The following SEC22A variants were observed in gnomAD, a reference collection of about 807,000 sequenced individuals.
The protein encoded by SEC22A is SEC22 homolog A, vesicle trafficking protein, also known as vesicle-trafficking protein SEC22a.
Under a neutral mutation model 35.3 loss-of-function variants are expected in SEC22A, and 22 were observed. The ratio of observed to expected loss-of-function variants is 0.62; its 90% CI spans 0.45 to 0.89. SEC22A has a LOEUF of 0.89. Among genes scored for constraint, SEC22A ranks in the 40% least tolerant of loss-of-function variants. SEC22A has a pLI of 0.00. For missense variants in SEC22A, 354 were observed against 362.5 expected (o/e 0.98, Z 0.19); for synonymous variants, 119 against 129.5 (o/e 0.92, Z 0.55).
chr3:123,249,473 C>T (rs918693612), intron 5 of SEC22A, among the ~76,000 whole-genome samples: 1 of 151,858 alleles, frequency 6.6e-6, no homozygotes, highest in Admixed American at 6.6e-5. Flanking sequence ...CTGGGAAATT[C>T]CAAGTGATTT....
chr3:123,228,248 G>A (rs192937742), intron 4 of SEC22A, among the ~76,000 whole-genome samples: 23 of 151,860 alleles, frequency 1.5e-4, no homozygotes, highest in Non-Finnish European at 2.6e-4. Flanking sequence ...CCAATTTCCA[G>A]TAAATTATAA....
intron 2 of SEC22A, among the ~76,000 whole-genome samples, chr3:123,215,695 A>G (rs565746339): frequency 9.1e-4 from 139 of 152,198 alleles, no homozygotes; most frequent in African/African-American, 3.3e-3. Context: ...ATGAACCACA[A>G]TCTTTTGGAT....
chr3:123,228,435 C>T (rs1937252911), intron 4 of SEC22A, among the ~76,000 whole-genome samples: 1 of 147,532 alleles, frequency 6.8e-6, no homozygotes, highest in Non-Finnish European at 1.5e-5. Flanking sequence ...ATTAGTTGGG[C>T]AGGGTGGCAC....
intron 2 of SEC22A, among the ~76,000 whole-genome samples, chr3:123,210,224 A>G (rs894197683): frequency 2.0e-5 from 3 of 152,214 alleles, no homozygotes; most frequent in Non-Finnish European, 4.4e-5. Flanking sequence ...GGAAGCAGAG[A>G]GGTCAGATGG....
chr3:123,256,158 C>G (rs1937726069), intron 5 of SEC22A, among the ~76,000 whole-genome samples: 2 of 152,164 alleles, frequency 1.3e-5, no homozygotes, highest in South Asian at 2.1e-4. Context: ...GTTCCTCTCT[C>G]TAATCTAGGA....
At chr3:123,256,232 T>C (rs2108092021) in intron 5 of SEC22A, among the ~76,000 whole-genome samples, 1 of 152,274 alleles carries the variant, frequency 6.6e-6, no homozygotes, top group Non-Finnish European at 1.5e-5. Flanking sequence ...ACTATTAAAA[T>C]AGAAGACTGC....
chr3:123,203,504 A>C (rs1472203115), intron 1 of SEC22A, among the ~76,000 whole-genome samples: 1 of 152,218 alleles, frequency 6.6e-6, no homozygotes, highest in Non-Finnish European at 1.5e-5. Context: ...CAAGCCTATG[A>C]GATAGATGCT....
Position 123,201,956 on chromosome 3 carries a change from T to A in SEC22A, c.-50T>A, listed in dbSNP as rs2108018251. On this transcript the variant is annotated 5_prime_UTR_variant, in exon 1 of 7. Coordinates refer to ENST00000492595, the MANE Select transcript of SEC22A (RefSeq NM_012430.5). Reference sequence around the variant, plus strand: ...GCCCCACAATGCACTTCGGGGCGCGTCACTCGGAGCGGCGGGTCCCGTCTC... The same window carrying A: ...GCCCCACAATGCACTTCGGGGCGCGACACTCGGAGCGGCGGGTCCCGTCTC... 1 of 152,754 alleles carries A rather than the reference T, an allele frequency of 6.5e-6. No individual in the cohort carries two copies. 9.5% of individuals were successfully genotyped at this position (152,754 alleles called of 1,614,324 possible).
intron 4 of SEC22A, among the ~76,000 whole-genome samples, chr3:123,226,539 C>T (rs1271089454): frequency 6.6e-6 from 1 of 152,060 alleles, no homozygotes; most frequent in Non-Finnish European, 1.5e-5. Flanking sequence ...TTTTAATTGG[C>T]TTGTTAGATT....
chr3:123,252,046 G>A (rs59138438), intron 5 of SEC22A, among the ~76,000 whole-genome samples: 29,881 of 152,104 alleles, frequency 0.2, 3,046 homozygotes, highest in Middle Eastern at 0.27. Flanking sequence ...AAACTAGAGT[G>A]ATTTTCCGAG....
At chr3:123,251,094 T>C (rs755443894) in intron 5 of SEC22A, among the ~76,000 whole-genome samples, 2 of 152,234 alleles carry the variant, frequency 1.3e-5, no homozygotes, top group Non-Finnish European at 2.9e-5. Flanking sequence ...AAAGTAAAGG[T>C]AAATATTTTT....
At chr3:123,210,976 G>A (rs1033965307) in intron 2 of SEC22A, among the ~76,000 whole-genome samples, 3 of 152,116 alleles carry the variant, frequency 2.0e-5, no homozygotes, top group Admixed American at 6.6e-5. Flanking sequence ...TGAGACATGC[G>A]TGATAATCAT....
chr3:123,255,066 A>G (rs1049619388), intron 5 of SEC22A, among the ~76,000 whole-genome samples: 21 of 150,796 alleles, frequency 1.4e-4, no homozygotes. Flanking sequence ...TACAGCAGAA[A>G]CTCTTTAGAG....
At chr3:123,241,014 C>CACACACACACACACAT in intron 4 of SEC22A, among the ~76,000 whole-genome samples, 1 of 151,110 alleles carries the variant, frequency 6.6e-6, no homozygotes, top group East Asian at 1.9e-4. Context: ...CACACACACA[C>CACACACACACACACAT]ACACACACAC....
intron 2 of SEC22A, among the ~76,000 whole-genome samples, chr3:123,222,766 GTAT>G (rs1393905212): frequency 6.6e-6 from 1 of 152,128 alleles, no homozygotes; most frequent in African/African-American, 2.4e-5. Flanking sequence ...AGTTTCTACT[GTAT>G]AATATTTTCC....
At chr3:123,211,201 G>T in intron 2 of SEC22A, among the ~76,000 whole-genome samples, 1 of 152,092 alleles carries the variant, frequency 6.6e-6, no homozygotes, top group East Asian at 1.9e-4. Flanking sequence ...AAATAAACGT[G>T]CAAATGAAAA....
chr3:123,235,499 A>T (rs1409916312), intron 4 of SEC22A, among the ~76,000 whole-genome samples: 1 of 152,220 alleles, frequency 6.6e-6, no homozygotes, highest in Admixed American at 6.5e-5. Flanking sequence ...CATATGTATT[A>T]GGATGGTTAA....
chr3:123,241,032 CA>C (rs1331652030), intron 4 of SEC22A, among the ~76,000 whole-genome samples: 3 of 151,678 alleles, frequency 2.0e-5, no homozygotes, highest in Non-Finnish European at 4.4e-5. Context: ...CACACACACA[CA>C]CACACACACA....
At chr3:123,271,356 T>C (rs566419064) in intron 6 of SEC22A, among the ~76,000 whole-genome samples, 166 bp from the exon 7 acceptor site, 2 of 152,342 alleles carry the variant, frequency 1.3e-5, no homozygotes, top group South Asian at 4.1e-4. Flanking sequence ...TGTGAAACTT[T>C]CATAGCTGAA....
Sources: gnomAD v4.1 joint callset for allele counts (sites outside exome capture counted in the v4.1 genomes callset) on GRCh38, gnomAD v4.1.1 for gene constraint, MANE v1.5 for transcripts, NCBI Gene and HGNC (gene_info 2026-07-23, HGNC 2026-07-21) for gene names.